The following PSD3 variants were observed in gnomAD, a reference collection of about 807,000 sequenced individuals.
The protein encoded by PSD3 is PH and SEC7 domain-containing protein 3.
Under a neutral mutation model 105.5 loss-of-function variants are expected in PSD3, and 49 were observed. The observed-to-expected ratio is 0.46, with a 90% CI of 0.37 to 0.59. The LOEUF is 0.59. PSD3 is among the 20% of genes least tolerant of loss of function. The probability of loss-of-function intolerance (pLI) is 0.00; values close to 1 mark genes in which losing one functional copy is unlikely to be tolerated. For missense variants in PSD3, 1,561 were observed against 1,263.8 expected, an observed-to-expected ratio of 1.24 and a Z score of -3.57; for synonymous variants, 557 against 457.8, an observed-to-expected ratio of 1.22 and a Z score of -2.77.
intron 6 of PSD3, among the ~76,000 whole-genome samples, chr8:18,804,066 T>C (rs1264200889): frequency 6.6e-6 from 1 of 152,204 alleles, no homozygotes; most frequent in Non-Finnish European, 1.5e-5. Flanking sequence ...AGGTGTAGAC[T>C]ATCAATTCAT....
chr8:18,854,060 T>C (rs1291801142), intron 4 of PSD3: 1 of 152,154 alleles, frequency 6.6e-6, no homozygotes, highest in South Asian at 2.1e-4. Context: ...CAGCACTGCC[T>C]AGGACCAGAC....
At chr8:18,952,381 A>C (rs1167520986) in intron 1 of PSD3, among the ~76,000 whole-genome samples, 1 of 151,908 alleles carries the variant, frequency 6.6e-6, no homozygotes, top group African/African-American at 2.4e-5. Flanking sequence ...TCTGGGGAAA[A>C]ATAACAGAGC....
chr8:19,061,034 C>A (rs1041699849), intron 1 of PSD3, among the ~76,000 whole-genome samples: 19 of 152,300 alleles, frequency 1.2e-4, no homozygotes, highest in African/African-American at 4.6e-4. Flanking sequence ...GCCAGGGTTT[C>A]CTTCACAGCC....
intron 1 of PSD3, among the ~76,000 whole-genome samples, chr8:19,001,362 G>A (rs1826380275): frequency 6.6e-6 from 1 of 151,406 alleles, no homozygotes. Flanking sequence ...TTAAGCTGAA[G>A]GTGAGGAAAT....
chr8:18,655,777 G>T lies in PSD3; in HGVS notation c.2173-92C>A, dbSNP rs189705997. On this transcript the variant is annotated intron_variant, in intron 9 of 15. Transcript: ENST00000327040. ...TGACCAAGTAATTCCTTCATAAAAGGATAGGCACGAAGCCCCCCTTGTCAG... is the reference window on the plus strand; with the variant it reads ...TGACCAAGTAATTCCTTCATAAAAGTATAGGCACGAAGCCCCCCTTGTCAG... 4.0e-5 allele frequency: 50 copies of T among 1,248,620 alleles called. No individual in the cohort carries two copies. In the East Asian group the frequency reaches 1.2e-3, roughly 29 times the overall value. 77.3% of individuals were successfully genotyped at this position (1,248,620 alleles called of 1,614,324 possible).
chr8:18,939,249 G>A (rs1822363708), intron 1 of PSD3, among the ~76,000 whole-genome samples: 1 of 152,156 alleles, frequency 6.6e-6, no homozygotes, highest in Non-Finnish European at 1.5e-5. Flanking sequence ...AATTCTGGAA[G>A]TTCATGAAGC....
chr8:18,945,630 C>T (rs937030113), intron 1 of PSD3, among the ~76,000 whole-genome samples: 2 of 152,222 alleles, frequency 1.3e-5, no homozygotes, highest in African/African-American at 4.8e-5. Flanking sequence ...GAAATATACA[C>T]AAATACACAC....
At chr8:18,586,772 T>C (rs1040306977) in intron 12 of PSD3, among the ~76,000 whole-genome samples, 2 of 152,096 alleles carry the variant, frequency 1.3e-5, no homozygotes, top group Non-Finnish European at 2.9e-5. Context: ...GCCGAGACGT[T>C]GGCAGCCGCA....
chr8:18,881,539 C>T (rs1327625946), intron 2 of PSD3, among the ~76,000 whole-genome samples: 3 of 152,170 alleles, frequency 2.0e-5, no homozygotes, highest in African/African-American at 4.8e-5. Flanking sequence ...ACCGTAGACT[C>T]GGTCACTGTA....
intron 9 of PSD3, among the ~76,000 whole-genome samples, chr8:18,764,184 T>A (rs1450585780): frequency 6.6e-6 from 1 of 152,162 alleles, no homozygotes; most frequent in Non-Finnish European, 1.5e-5. Context: ...ATTTCTGACA[T>A]AAGTTGATAA....
chr8:18,551,965 G>C (rs1406396153), intron 15 of PSD3, among the ~76,000 whole-genome samples: 1 of 152,182 alleles, frequency 6.6e-6, no homozygotes, highest in Non-Finnish European at 1.5e-5. Flanking sequence ...ACTGTAGAAA[G>C]TTATCAGATG....
intron 9 of PSD3, among the ~76,000 whole-genome samples, chr8:18,743,904 A>G (rs1804773408): frequency 6.6e-6 from 1 of 151,698 alleles, no homozygotes; most frequent in Non-Finnish European, 1.5e-5. Context: ...GCAGTGAGAT[A>G]TGGTTGCATC....
At chr8:18,825,158 G>C (rs572166917) in intron 4 of PSD3, among the ~76,000 whole-genome samples, 2 of 152,258 alleles carry the variant, frequency 1.3e-5, no homozygotes, top group Admixed American at 1.3e-4. Flanking sequence ...ATGGGAAATT[G>C]TTAGAGGCAA....
intron 9 of PSD3, among the ~76,000 whole-genome samples, chr8:18,752,615 ATAATATATAT>A (rs1354730421): frequency 8.0e-5 from 6 of 75,010 alleles, no homozygotes; most frequent in Non-Finnish European, 1.4e-4. Context: ...TATAATACAT[ATAATATATAT>A]TATATATAAT....
intron 9 of PSD3, chr8:18,684,071 A>G: frequency 1.7e-6 from 1 of 599,798 alleles, no homozygotes; most frequent in Non-Finnish European, 3.0e-6. Context: ...TAGCTTAAGA[A>G]GCACCAGGCT....
intron 2 of PSD3, among the ~76,000 whole-genome samples, chr8:18,923,673 T>C (rs1462666635): frequency 2.0e-5 from 3 of 152,138 alleles, no homozygotes; most frequent in Admixed American, 1.3e-4. Context: ...AGGTATACTA[T>C]CTAGGTTTGC....
Position 18,769,156 on chromosome 8 carries a change from A to C in PSD3, c.2083-3618T>G, listed in dbSNP as rs1807276458. ...TGATATACCTTGGCAATACCTTTTT[A>C]GATATGTTCTGGGGAGATGAATAAA... On this transcript the variant is annotated intron_variant, in intron 8 of 15. Transcript: ENST00000327040. 2.0e-5 allele frequency among the ~76,000 whole-genome samples: 3 copies of C among 152,340 alleles called. No individual in the cohort carries two copies. The South Asian group carries it at 6.2e-4, about 32-fold the overall frequency.
intron 4 of PSD3, among the ~76,000 whole-genome samples, chr8:18,845,664 T>C (rs1815026121): frequency 6.6e-6 from 1 of 152,034 alleles, no homozygotes; most frequent in African/African-American, 2.4e-5. Context: ...AGGGTGGGTG[T>C]GGTGGCTCGC....
intron 1 of PSD3, among the ~76,000 whole-genome samples, chr8:18,980,703 T>C (rs903294541): frequency 2.0e-5 from 3 of 152,148 alleles, no homozygotes; most frequent in Non-Finnish European, 2.9e-5. Context: ...TATGCTGCTT[T>C]TGGGCTTTCA....
Sources: allele counts gnomAD v4.1 joint callset (sites outside exome capture counted in the v4.1 genomes callset), GRCh38; gene constraint gnomAD v4.1.1; transcripts MANE v1.5; gene names NCBI Gene and HGNC (gene_info 2026-07-23, HGNC 2026-07-21).